Variants in SULT2B1 observed in about 807,000 individuals in gnomAD.
SULT2B1 encodes sulfotransferase family 2B member 1.
In SULT2B1, 16 loss-of-function variants were observed where a neutral mutation model predicts 33.2. The observed-to-expected ratio is 0.48, with a 90% CI of 0.33 to 0.73. SULT2B1 has a LOEUF of 0.73. SULT2B1 is among the 30% of genes least tolerant of loss of function. The pLI, the probability that SULT2B1 is intolerant of heterozygous loss-of-function variation, is 0.02. For synonymous variants in SULT2B1, 186 were observed against 200.5 expected (o/e 0.93, Z 0.61); for missense variants, 500 against 506.0 (o/e 0.99, Z 0.11).
At position 48,581,679 on chromosome 19, in the gene SULT2B1, G is replaced by T. The variant is rs912017712; in HGVS notation, c.215-5550G>T. On this transcript the variant is annotated intron_variant, in intron 2 of 6. Transcript: ENST00000201586. Reference sequence around the variant, plus strand: ...TCACCGTGTTAGCCAGGATGGTCTCGATCTCCTGACCTTGTGATCCACCCG... The same window carrying T: ...TCACCGTGTTAGCCAGGATGGTCTCTATCTCCTGACCTTGTGATCCACCCG... Among the ~76,000 whole-genome samples, 8 of 148,362 alleles carry T rather than the reference G, an allele frequency of 5.4e-5. No individual in the cohort carries two copies. The East Asian group carries it at 1.2e-3, about 23-fold the overall frequency.
At chr19:48,556,613 A>G (rs1268283385) in intron 1 of SULT2B1, among the ~76,000 whole-genome samples, 1 of 151,766 alleles carries the variant, frequency 6.6e-6, no homozygotes, top group African/African-American at 2.4e-5. Context: ...ACCTCCAGGG[A>G]GAGAAACTAT....
At chr19:48,589,936 CAAGGACAGAACAAG>C (rs1467737222) in intron 3 of SULT2B1, among the ~76,000 whole-genome samples, 4 of 152,160 alleles carry the variant, frequency 2.6e-5, no homozygotes, top group African/African-American at 9.7e-5. Flanking sequence ...ACTCCAGCCT[CAAGGACAGAACAAG>C]ACCTTGTTTC....
At chr19:48,553,603 A>G (rs1208914620) in intron 1 of SULT2B1, among the ~76,000 whole-genome samples, 2 of 152,080 alleles carry the variant, frequency 1.3e-5, no homozygotes, top group African/African-American at 4.8e-5. Context: ...GTGGGCCACC[A>G]CGCCTGGCCG....
rs746961320 is a variant in SULT2B1, at chr19:48,587,451, G to T, written c.423+14G>T. On this transcript the variant is annotated intron_variant, in intron 3 of 6. Coordinates refer to ENST00000201586, the MANE Select transcript of SULT2B1 (RefSeq NM_177973.2). Reference sequence around the variant, plus strand: ...TCCAAGGCCAAGGTTGGGAGGAGGGGTGTGTGTCAGTTGGGAGGGGCTGCA... The same window carrying T: ...TCCAAGGCCAAGGTTGGGAGGAGGGTTGTGTGTCAGTTGGGAGGGGCTGCA... The T allele has an allele frequency of 1.9e-4, 314 of 1,613,902 alleles. 2 individuals are homozygous for T. The highest frequency in any genetic ancestry group is 3.1e-5 in the Non-Finnish European group (36 of 1,179,936).
chr19:48,557,033 T>C (rs1381997112), intron 1 of SULT2B1, among the ~76,000 whole-genome samples: 1 of 151,694 alleles, frequency 6.6e-6, no homozygotes, highest in East Asian at 1.9e-4. Flanking sequence ...GAGTATCATT[T>C]GAGGCCAGGA....
intron 1 of SULT2B1, among the ~76,000 whole-genome samples, chr19:48,567,586 C>T (rs1201165109): frequency 2.0e-5 from 3 of 151,932 alleles, no homozygotes; most frequent in East Asian, 1.9e-4. Flanking sequence ...ACCCGTGTGT[C>T]GGACATTGGC....
intron 1 of SULT2B1, among the ~76,000 whole-genome samples, chr19:48,568,373 T>C (rs1387235229): frequency 6.8e-6 from 1 of 147,188 alleles, no homozygotes; most frequent in Non-Finnish European, 1.5e-5. Flanking sequence ...GGGTGGGAGG[T>C]CTCTTGCTTT....
intron 2 of SULT2B1, among the ~76,000 whole-genome samples, chr19:48,580,120 C>T (rs542827105): frequency 2.0e-5 from 3 of 148,120 alleles, no homozygotes; most frequent in South Asian, 2.1e-4. Context: ...TTTTCACAGA[C>T]GAGATCTCAC....
intron 1 of SULT2B1, among the ~76,000 whole-genome samples, chr19:48,573,857 G>GT (rs959604290): frequency 1.3e-5 from 2 of 151,990 alleles, no homozygotes; most frequent in African/African-American, 4.8e-5. Flanking sequence ...ACGACAATTG[G>GT]TTTGTTTCTA....
In SULT2B1 at chr19:48,596,476, T is replaced by G. The variant is rs1311215430; in HGVS notation, c.646-263T>G. On this transcript the variant is annotated intron_variant, in intron 5 of 6. Coordinates refer to ENST00000201586, the MANE Select transcript of SULT2B1 (RefSeq NM_177973.2). The stretch of plus-strand genomic sequence containing the variant: ...CCCGGCTGTGACCTCTGCCCCCTGC[T>G]GTGACCTCTGCCCCCTGCTGTGACC... 2.4e-5 allele frequency: 6 copies of G among 251,812 alleles called. No homozygotes were observed. The Admixed American group carries it at 4.1e-4, about 17-fold the overall frequency. 15.6% of individuals were successfully genotyped at this position (251,812 alleles called of 1,614,324 possible).
At chr19:48,594,221 A>G (rs1973681831) in intron 5 of SULT2B1, among the ~76,000 whole-genome samples, 1 of 152,076 alleles carries the variant, frequency 6.6e-6, no homozygotes, top group South Asian at 2.1e-4. Context: ...AGATCGCACC[A>G]TTGCACTCCA....
At chr19:48,591,843 G>A (rs187126179) in intron 4 of SULT2B1, 108 bp downstream of exon 4, 5 of 1,350,366 alleles carry the variant, frequency 3.7e-6, no homozygotes, top group East Asian at 5.3e-5. Flanking sequence ...CAGAGACACA[G>A]GGCATCAAAA....
At chr19:48,588,256 T>C (rs1340067992) in intron 3 of SULT2B1, among the ~76,000 whole-genome samples, 1 of 150,720 alleles carries the variant, frequency 6.6e-6, no homozygotes, top group Admixed American at 6.6e-5. Flanking sequence ...CTCACGTTTG[T>C]ACTCCCAGCA....
At chr19:48,595,281 T>TA (rs35536990) in intron 5 of SULT2B1, among the ~76,000 whole-genome samples, 7 of 149,800 alleles carry the variant, frequency 4.7e-5, no homozygotes, top group African/African-American at 1.7e-4. Flanking sequence ...AAACTCCGTC[T>TA]AAAAAAAAAA....
chr19:48,596,753 C>CA lies in SULT2B1; in HGVS notation c.660_661insA (p.Val221SerfsTer91). The CA allele has an allele frequency of 1.2e-6, 2 of 1,605,448 alleles. No homozygotes were observed. The highest frequency in any genetic ancestry group is 1.7e-6 in the Non-Finnish European group (2 of 1,179,556). Reference sequence around the variant, plus strand: ...CCTGCCTGCAGGACTTACAGGGCTCCGTGGAGCGCATCTGTGGGTTCCTGG... The same window carrying CA: ...CCTGCCTGCAGGACTTACAGGGCTCCAGTGGAGCGCATCTGTGGGTTCCTGG... On this transcript the variant is annotated frameshift_variant, in exon 6 of 7. Transcript: ENST00000201586. LOFTEE classifies it high-confidence loss of function.
intron 1 of SULT2B1, among the ~76,000 whole-genome samples, chr19:48,556,589 T>A (rs1338426845): frequency 1.3e-5 from 2 of 151,776 alleles, no homozygotes; most frequent in East Asian, 3.9e-4. Context: ...TCTCAAATGG[T>A]TCGTTTTTTA....
chr19:48,594,641 G>A (rs1441686927), intron 5 of SULT2B1, among the ~76,000 whole-genome samples: 1 of 152,216 alleles, frequency 6.6e-6, no homozygotes, highest in Admixed American at 6.5e-5. Context: ...GGAAGGTTAT[G>A]AAACCAGGAG....
chr19:48,569,298 C>T lies in SULT2B1; in HGVS notation c.72-6643C>T, dbSNP rs188513469. ...CGGAGCTTGCAGTGAGCCAAGATCGCGCCACTGCACTCCAGCCTGGGCGAC... is the reference window on the plus strand; with the variant it reads ...CGGAGCTTGCAGTGAGCCAAGATCGTGCCACTGCACTCCAGCCTGGGCGAC... On this transcript the variant is annotated intron_variant, in intron 1 of 6. Coordinates refer to ENST00000201586, the MANE Select transcript of SULT2B1 (RefSeq NM_177973.2). Among the ~76,000 whole-genome samples the T allele has an allele frequency of 5.2e-3, 767 of 147,884 alleles. 26 individuals carry two copies. The East Asian group carries it at 0.067, about 13-fold the overall frequency.
In SULT2B1 at chr19:48,552,605, C is replaced by T. The variant is rs934968671; in HGVS notation, c.71+282C>T. On this transcript the variant is annotated intron_variant, in intron 1 of 6. Coordinates refer to ENST00000201586, the MANE Select transcript of SULT2B1 (RefSeq NM_177973.2). The surrounding 1 kb of genome is among the most constrained non-coding windows in gnomAD (Gnocchi z 4.8). ...TTTTTCTGTCTGTCAAAGGGGCCCACAAGCCCTGTGTCTCCCTGATAGAGC... is the reference window on the plus strand; with the variant it reads ...TTTTTCTGTCTGTCAAAGGGGCCCATAAGCCCTGTGTCTCCCTGATAGAGC... 2.0e-5 allele frequency among the ~76,000 whole-genome samples: 3 copies of T among 152,298 alleles called. No individual in the cohort carries two copies. The highest frequency in any genetic ancestry group is 4.8e-5 in the African/African-American group (2 of 41,564).
Sources: gnomAD v4.1 joint callset for allele counts (sites outside exome capture counted in the v4.1 genomes callset) on GRCh38, gnomAD v4.1.1 for gene constraint, Gnocchi (gnomAD v3.1) non-coding constraint, MANE v1.5 for transcripts, NCBI Gene and HGNC (gene_info 2026-07-23, HGNC 2026-07-21) for gene names.